The following BPTF variants were observed in gnomAD, a reference collection of about 807,000 sequenced individuals.
BPTF encodes the protein nucleosome-remodeling factor subunit BPTF.
Under a neutral mutation model 292.5 loss-of-function variants are expected in BPTF, and 18 were observed. The observed-to-expected ratio is 0.06, with a 90% CI of 0.04 to 0.09. The LOEUF (loss-of-function observed/expected upper bound fraction) is 0.09. BPTF is among the 10% of genes least tolerant of loss of function. BPTF has a pLI of 1.00. For synonymous variants in BPTF, 1,225 were observed against 1,251.9 expected, an observed-to-expected ratio of 0.98 and a Z score of 0.45; for missense variants, 2,726 against 3,498.7, an observed-to-expected ratio of 0.78 and a Z score of 5.57.
At chr17:67,935,404 G>C (rs2064830928) in intron 18 of BPTF, among the ~76,000 whole-genome samples, 1 of 151,954 alleles carries the variant, frequency 6.6e-6, no homozygotes, top group Non-Finnish European at 1.5e-5. Flanking sequence ...CTCCAGCCTG[G>C]GTGACAGAGT....
chr17:67,928,655 C>A, intron 16 of BPTF, 54 bp downstream of exon 16: 3 of 1,520,612 alleles, frequency 2.0e-6, no homozygotes, highest in Non-Finnish European at 2.7e-6. Flanking sequence ...AAAGAATTTT[C>A]AACCCTTTAG....
intron 2 of BPTF, among the ~76,000 whole-genome samples, chr17:67,865,139 C>T (rs531835341): frequency 6.6e-6 from 1 of 152,172 alleles, no homozygotes; most frequent in Non-Finnish European, 1.5e-5. Context: ...ATCTGAAACG[C>T]TCCAATGAGC....
At chr17:67,853,838 G>A (rs1361441901) in intron 1 of BPTF, 102 bp from the exon 2 acceptor site, 1 of 831,070 alleles carries the variant, frequency 1.2e-6, no homozygotes, top group Non-Finnish European at 1.9e-6. Flanking sequence ...AATTATTAAA[G>A]AAATGTACTT....
At chr17:67,885,104 A>G (rs1243793756) in intron 4 of BPTF, among the ~76,000 whole-genome samples, 2 of 152,334 alleles carry the variant, frequency 1.3e-5, no homozygotes, top group South Asian at 2.1e-4. Flanking sequence ...AGTTACTGCA[A>G]TAGACTATCA....
Position 67,874,148 on chromosome 17 carries a change from C to T in BPTF, c.1661-669C>T, listed in dbSNP as rs569073574. Among the ~76,000 whole-genome samples, 19 of 152,252 alleles carry T rather than the reference C, an allele frequency of 1.2e-4. No homozygotes were observed. The South Asian group carries it at 3.7e-3, about 30-fold the overall frequency. On this transcript the variant is annotated intron_variant, in intron 3 of 27. Coordinates refer to ENST00000306378, the MANE Select transcript of BPTF (RefSeq NM_182641.4). ...ATAACCCAAAGAATATAATTAATAT[C>T]CATGAGTGCGTACTGATATACCGTG...
chr17:67,887,341 C>G (rs1330602859), intron 4 of BPTF, among the ~76,000 whole-genome samples: 2 of 151,940 alleles, frequency 1.3e-5, no homozygotes, highest in Non-Finnish European at 2.9e-5. Context: ...TGTATTGTTG[C>G]TATTAATCTT....
intron 2 of BPTF, among the ~76,000 whole-genome samples, chr17:67,855,769 G>C (rs1411525848): frequency 6.6e-6 from 1 of 152,220 alleles, no homozygotes; most frequent in Non-Finnish European, 1.5e-5. Context: ...CCCTCTTCCA[G>C]TTCTTAGAAT....
At chr17:67,876,851 A>T (rs528981524) in intron 4 of BPTF, among the ~76,000 whole-genome samples, 44 of 152,290 alleles carry the variant, frequency 2.9e-4, no homozygotes, top group Middle Eastern at 3.4e-3. Flanking sequence ...ATATGAAAAC[A>T]TAAGCAAGAA....
chr17:67,959,792 G>A lies in BPTF; in HGVS notation c.8178G>A (p.Lys2726=). 1 of 1,614,046 alleles carries A rather than the reference G, an allele frequency of 6.2e-7. No individual in the cohort carries two copies. Among genetic ancestry groups the A allele is most frequent in the Non-Finnish European group, 8.5e-7 (1 of 1,179,988 alleles). Residue 2726 remains lysine (K), a synonymous_variant, in exon 24 of 28, where the codon AAG becomes AAA. Coordinates refer to ENST00000306378, the MANE Select transcript of BPTF (RefSeq NM_182641.4). ...EKDSSSKSKK[K]KMISTTSKET... ...ACTCCAGCTCAAAGTCCAAGAAAAA[G>A]AAAATGATCTCTACTACCTCAAAGG...
intron 2 of BPTF, among the ~76,000 whole-genome samples, chr17:67,855,053 C>A (rs1419484412): frequency 6.6e-6 from 1 of 152,198 alleles, no homozygotes; most frequent in Non-Finnish European, 1.5e-5. Flanking sequence ...GTAATCCCAG[C>A]ACTTTGGGAG....
intron 9 of BPTF, among the ~76,000 whole-genome samples, chr17:67,908,826 ATTTTTTTTT>A (rs34934455): frequency 9.4e-6 from 1 of 106,086 alleles, no homozygotes; most frequent in African/African-American, 3.9e-5. Context: ...GTCACTGACA[ATTTTTTTTT>A]TTTTTTTTTT....
intron 7 of BPTF, among the ~76,000 whole-genome samples, chr17:67,896,468 T>A (rs5024717): frequency 5.4e-5 from 8 of 148,248 alleles, no homozygotes; most frequent in African/African-American, 9.8e-5. Flanking sequence ...AACTAGAAAC[T>A]GTCCCCCCAG....
chr17:67,918,814 C>T lies in BPTF; in HGVS notation c.5404C>T (p.Pro1802Ser), dbSNP rs761085604. The T allele has an allele frequency of 6.8e-6, 11 of 1,613,418 alleles. No individual in the cohort carries two copies. The highest frequency in any genetic ancestry group is 1.6e-4 in the Middle Eastern group (1 of 6,078). The change falls in exon 12 of 28, where the codon CCA (proline) becomes TCA (serine). Residue 1802 changes from proline (P) to serine (S), a missense_variant. Around this residue, in one of 22 missense-constraint regions of BPTF, gnomAD observed 198 missense variants for 277.1 expected, o/e 0.71. Transcript: ENST00000306378. ...RWDDMAAKAP[P>S]GGGTTRTETS... ...GGATGATATGGCGGCCAAGGCTCCT[C>T]CAGGAGGAGGGACTACACGGACAGG...
chr17:67,865,191 T>A (rs376171611), intron 2 of BPTF, among the ~76,000 whole-genome samples: 2 of 152,298 alleles, frequency 1.3e-5, no homozygotes, highest in Admixed American at 6.5e-5. Context: ...AACTTTTGGA[T>A]CTTGGAGCAT....
At chr17:67,845,766 G>C (rs1194754257) in intron 1 of BPTF, among the ~76,000 whole-genome samples, 1 of 150,976 alleles carries the variant, frequency 6.6e-6, no homozygotes, top group Non-Finnish European at 1.5e-5. Flanking sequence ...GCAAGATTCT[G>C]TCTCAAAAAA....
At chr17:67,833,719 C>A (rs1308815278) in intron 1 of BPTF, among the ~76,000 whole-genome samples, 1 of 151,926 alleles carries the variant, frequency 6.6e-6, no homozygotes, top group Non-Finnish European at 1.5e-5. Context: ...CAGGTGTGTG[C>A]CACCATGCCT....
rs782351697 is a variant in BPTF at position 67,948,219 on chromosome 17, T to C, written c.7839T>C (p.Ala2613=). 6.2e-7 allele frequency: 1 copy of C among 1,614,150 alleles called. No individual in the cohort carries two copies. The highest frequency in any genetic ancestry group is 1.1e-5 in the South Asian group (1 of 91,084). Residue 2613 remains alanine, a synonymous_variant, in exon 23 of 28, where the codon GCT becomes GCC. Coordinates refer to ENST00000306378, the MANE Select transcript of BPTF (RefSeq NM_182641.4). Reference sequence around the variant, plus strand: ...AGCAGAATGCCACTAAGCTGTCAGCTCTGCTCTTCAAGCACAAAGAGCAGC... The same window carrying C: ...AGCAGAATGCCACTAAGCTGTCAGCCCTGCTCTTCAAGCACAAAGAGCAGC... ...RSKQNATKLS[A]LLFKHKEQLR...
intron 19 of BPTF, among the ~76,000 whole-genome samples, chr17:67,943,872 G>T (rs1568134777): frequency 6.6e-6 from 1 of 152,106 alleles, no homozygotes; most frequent in African/African-American, 2.4e-5. Context: ...TTATTTTATA[G>T]ATTGGGAAAC....
intron 4 of BPTF, chr17:67,886,231 C>A (rs1255941269): frequency 1.2e-6 from 2 of 1,613,832 alleles, no homozygotes; most frequent in Non-Finnish European, 1.7e-6. Context: ...TAAATTCTTC[C>A]CAGAGTGAAT....
Sources: gnomAD v4.1 joint callset for allele counts (sites outside exome capture counted in the v4.1 genomes callset) on GRCh38, gnomAD v4.1.1 for gene constraint, gnomAD v4.1.1 regional missense constraint, MANE v1.5 for transcripts, NCBI Gene and HGNC (gene_info 2026-07-23, HGNC 2026-07-21) for gene names.